The following CAB39 variants were observed in gnomAD, a reference collection of about 807,000 sequenced individuals.
The protein encoded by CAB39 is calcium-binding protein 39.
CAB39 carries 8 observed loss-of-function variants against 40.0 expected under a neutral mutation model. That is an observed-to-expected ratio of 0.20 (90% confidence interval 0.12 to 0.36). The LOEUF (loss-of-function observed/expected upper bound fraction) is 0.36, where lower values mean the gene tolerates loss of function less well. CAB39 is among the 10% of genes least tolerant of loss of function. The pLI, the probability that CAB39 is intolerant of heterozygous loss-of-function variation, is 1.00. For synonymous variants in CAB39, 156 were observed against 141.6 expected (o/e 1.10, Z -0.72); for missense variants, 270 against 401.1 (o/e 0.67, Z 2.79).
chr2:230,768,354 A>G (rs944327602), intron 2 of CAB39, among the ~76,000 whole-genome samples: 2 of 152,152 alleles, frequency 1.3e-5, no homozygotes, highest in African/African-American at 4.8e-5. Flanking sequence ...CTTTCTCAAG[A>G]GATATTTACT....
intron 2 of CAB39, among the ~76,000 whole-genome samples, chr2:230,772,979 CAATAAAAA>C (rs1414260049): frequency 3.1e-4 from 19 of 60,918 alleles, no homozygotes; most frequent in African/African-American, 1.4e-3. Context: ...TACTACTCAG[CAATAAAAA>C]AAAAAAAAAA....
Position 230,818,796 on chromosome 2 carries a change from C to A in CAB39, c.*92C>A. ...TCTTATTGATTCATGAGGAACATTA[C>A]TGCTAATCTGCTGTTAAGTGAACGG... On this transcript the variant is annotated 3_prime_UTR_variant, in exon 9 of 9. Transcript: ENST00000258418. The A allele has an allele frequency of 1.0e-6, 1 of 973,660 alleles. No homozygotes were observed. The highest frequency in any genetic ancestry group is 1.6e-6 in the Non-Finnish European group (1 of 642,920). 60.3% of individuals were successfully genotyped at this position (973,660 alleles called of 1,614,324 possible).
In CAB39 at chr2:230,764,587, C is replaced by T. The variant is rs1008287122; in HGVS notation, c.114+4472C>T. 2.0e-5 allele frequency among the ~76,000 whole-genome samples: 3 copies of T among 152,224 alleles called. No individual in the cohort carries two copies. The South Asian group carries it at 6.2e-4, about 32-fold the overall frequency. ...AAATTAACATTTTTAAATAACACCA[C>T]TGATCTCATTAGAAGAGTCTTAAGT... On this transcript the variant is annotated intron_variant, in intron 2 of 8. Coordinates refer to ENST00000258418, the MANE Select transcript of CAB39 (RefSeq NM_016289.4).
chr2:230,768,241 G>T (rs1695421036), intron 2 of CAB39, among the ~76,000 whole-genome samples: 1 of 152,194 alleles, frequency 6.6e-6, no homozygotes, highest in African/African-American at 2.4e-5. Context: ...TGAGGAGAGA[G>T]TACCATAGCT....
intron 1 of CAB39, among the ~76,000 whole-genome samples, chr2:230,748,976 AAGGC>A (rs772822044): frequency 9.8e-4 from 143 of 146,096 alleles, no homozygotes; most frequent in Non-Finnish European, 1.7e-3. Flanking sequence ...TATACAGAAA[AAGGC>A]AGGATAAATG....
chr2:230,775,737 C>T (rs1289347176), intron 2 of CAB39, among the ~76,000 whole-genome samples: 3 of 152,158 alleles, frequency 2.0e-5, no homozygotes, highest in Non-Finnish European at 4.4e-5. Context: ...ACTGTCTTTA[C>T]TTGCATCATT....
chr2:230,754,681 G>A (rs1038264983), intron 1 of CAB39, among the ~76,000 whole-genome samples: 14 of 152,172 alleles, frequency 9.2e-5, no homozygotes, highest in African/African-American at 3.1e-4. Flanking sequence ...ACCATGCACA[G>A]CTAATTTTTG....
chr2:230,792,205 A>G (rs1369556212), intron 3 of CAB39, among the ~76,000 whole-genome samples: 2 of 152,226 alleles, frequency 1.3e-5, no homozygotes, highest in Non-Finnish European at 2.9e-5. Flanking sequence ...TCAAATTCCA[A>G]CAGCAACAAT....
chr2:230,767,736 A>C (rs1695412891), intron 2 of CAB39, among the ~76,000 whole-genome samples: 1 of 152,190 alleles, frequency 6.6e-6, no homozygotes, highest in South Asian at 2.1e-4. Context: ...AATGAGGCCC[A>C]TGACTTTATG....
intron 1 of CAB39, among the ~76,000 whole-genome samples, chr2:230,753,372 C>T (rs1695122978): frequency 6.6e-6 from 1 of 152,160 alleles, no homozygotes; most frequent in Non-Finnish European, 1.5e-5. Flanking sequence ...TTGCCACAAC[C>T]CACTTTAGAA....
At chr2:230,719,099 T>C (rs1694402063) in intron 1 of CAB39, among the ~76,000 whole-genome samples, 2 of 152,180 alleles carry the variant, frequency 1.3e-5, no homozygotes, top group African/African-American at 4.8e-5. Context: ...TGGCAAGTGA[T>C]TTGGGAGGCG....
In CAB39 at chr2:230,798,824, A is replaced by G. The variant is rs1696035540; in HGVS notation, c.494A>G (p.Gln165Arg). 1.2e-6 allele frequency: 2 copies of G among 1,611,288 alleles called. No individual in the cohort carries two copies. Among genetic ancestry groups the G allele is most frequent in the Non-Finnish European group, 8.5e-7 (1 of 1,178,454 alleles). ...GCAAAAATCATTTTGTGGTCGGAAC[A>G]GTTTTATGATTTCTTCAGATATGTC... ...PLAKIILWSEQFYDFFRYVEM... is the reference protein window; with the variant it reads ...PLAKIILWSERFYDFFRYVEM... The change falls in exon 5 of 9, where the codon CAG (glutamine) becomes CGG (arginine). Residue 165 changes from glutamine (Q) to arginine (R), a missense_variant. Gln to Arg is a conservative substitution (Grantham distance 43). Transcript: ENST00000258418.
rs759756610 is a variant in CAB39 at position 230,817,805 on chromosome 2, T to C, written c.745T>C (p.Tyr249His). 6.2e-7 allele frequency: 1 copy of C among 1,612,700 alleles called. No homozygotes were observed. The change falls in exon 8 of 9, where the codon TAC becomes CAC. Residue 249 changes from tyrosine (Y) to histidine (H), a missense_variant. Coordinates refer to ENST00000258418, the MANE Select transcript of CAB39 (RefSeq NM_016289.4). ...DRHNFTIMTK[Y>H]ISKPENLKLM... ...ACACAACTTCACAATTATGACAAAA[T>C]ACATCAGTAAACCTGAGAACCTCAA...
At chr2:230,796,639 A>C (rs935298991) in intron 4 of CAB39, among the ~76,000 whole-genome samples, 1 of 152,072 alleles carries the variant, frequency 6.6e-6, no homozygotes, top group African/African-American at 2.4e-5. Flanking sequence ...ACTGATGCCA[A>C]GGAGTGTGGT....
chr2:230,720,105 T>C (rs1694420645), intron 1 of CAB39, among the ~76,000 whole-genome samples: 1 of 152,200 alleles, frequency 6.6e-6, no homozygotes, highest in African/African-American at 2.4e-5. Context: ...TATTAACAAG[T>C]CCTCAAGCCT....
In CAB39 at chr2:230,720,320, C is replaced by G. The variant is rs1694425225; in HGVS notation, c.-44+7090C>G. ...GTAAAGGTGGCATCCTGGCTTAGAT[C>G]ACAGGGTTCTTTGCAGCTCGGGATT... is the stretch of plus-strand genomic sequence containing the variant. On this transcript the variant is annotated intron_variant, in intron 1 of 8. Coordinates refer to ENST00000258418, the MANE Select transcript of CAB39 (RefSeq NM_016289.4). Among the ~76,000 whole-genome samples the G allele has an allele frequency of 3.3e-5, 5 of 152,316 alleles. No individual in the cohort carries two copies. In the South Asian group the frequency reaches 1.0e-3, roughly 32 times the overall value.
At chr2:230,775,648 A>G (rs1187871195) in intron 2 of CAB39, among the ~76,000 whole-genome samples, 1 of 152,230 alleles carries the variant, frequency 6.6e-6, no homozygotes, top group East Asian at 1.9e-4. Context: ...CTTCAAAATT[A>G]TTTCTAAAAA....
At chr2:230,780,288 C>A (rs892126958) in intron 2 of CAB39, among the ~76,000 whole-genome samples, 2 of 152,088 alleles carry the variant, frequency 1.3e-5, no homozygotes, top group East Asian at 3.9e-4. Flanking sequence ...TGCCTTTCAC[C>A]CAGCCTCCCT....
chr2:230,818,402 C>T (rs763149326), intron 8 of CAB39, 114 bp from the exon 9 acceptor site: 19 of 771,450 alleles, frequency 2.5e-5, no homozygotes, highest in Non-Finnish European at 4.0e-5. Context: ...ATGACCCTGA[C>T]TTCAGCGCCA....
Sources: allele counts gnomAD v4.1 joint callset (sites outside exome capture counted in the v4.1 genomes callset), GRCh38; gene constraint gnomAD v4.1.1; transcripts MANE v1.5; gene names NCBI Gene and HGNC (gene_info 2026-07-23, HGNC 2026-07-21).